The following CNIH3 variants were observed in gnomAD, a reference collection of about 807,000 sequenced individuals.
CNIH3 encodes the protein cornichon family AMPA receptor auxiliary protein 3, also known as protein cornichon homolog 3.
Under a neutral mutation model 24.1 loss-of-function variants are expected in CNIH3, and 14 were observed. That is an observed-to-expected ratio of 0.58 (90% confidence interval 0.38 to 0.91). The LOEUF is 0.91. Ranked by LOEUF, CNIH3 falls within the 40% of genes least tolerant of loss-of-function variation. The probability of loss-of-function intolerance (pLI) is 0.00; values close to 1 mark genes in which losing one functional copy is unlikely to be tolerated. For missense variants in CNIH3, 178 were observed against 196.8 expected (o/e 0.90, Z 0.57); for synonymous variants, 68 against 73.8 (o/e 0.92, Z 0.40).
chr1:224,630,469 A>C (rs1202186737), intron 1 of CNIH3, among the ~76,000 whole-genome samples: 1 of 152,146 alleles, frequency 6.6e-6, no homozygotes, highest in Non-Finnish European at 1.5e-5. Flanking sequence ...AAAAACAACC[A>C]GATTTGTAAA....
intron 2 of CNIH3, among the ~76,000 whole-genome samples, chr1:224,535,456 C>T (rs1225832282): frequency 6.6e-6 from 1 of 152,230 alleles, no homozygotes; most frequent in African/African-American, 2.4e-5. Context: ...TTTGTTACAG[C>T]ATCACTGAGA....
chr1:224,439,800 GT>G (rs942485213), intron 1 of CNIH3, among the ~76,000 whole-genome samples: 4 of 131,342 alleles, frequency 3.0e-5, no homozygotes, highest in Admixed American at 2.2e-4. Context: ...GTTTTGTTTT[GT>G]TTTTTGAGAT....
chr1:224,651,115 A>T (rs929855234), intron 1 of CNIH3, among the ~76,000 whole-genome samples: 5 of 152,188 alleles, frequency 3.3e-5, no homozygotes, highest in Non-Finnish European at 7.3e-5. Flanking sequence ...GTGAACATCG[A>T]GCCCAGTGCA....
chr1:224,543,694 T>C (rs1317810), intron 2 of CNIH3, among the ~76,000 whole-genome samples: 47,150 of 152,042 alleles, frequency 0.31, 9,870 homozygotes, highest in African/African-American at 0.6. Context: ...CTTGCCAGAC[T>C]TGCTTCCTGC....
At position 224,606,908 on chromosome 1, in the gene CNIH3, G is replaced by A. The variant is rs370952061; in HGVS notation, n.402+40644G>A. On this transcript the variant is annotated intron_variant and non_coding_transcript_variant, in intron 3 of 7. Coordinates refer to the CNIH3 transcript ENST00000478120. ...CCCAGAAGCTTTTCCCAACCTTGTG[G>A]GGAGCCCCAGTGAAGGCTGATACTG... Among the ~76,000 whole-genome samples, 6 of 152,234 alleles carry A rather than the reference G, an allele frequency of 3.9e-5. No individual in the cohort carries two copies. The East Asian group carries it at 1.2e-3, about 29-fold the overall frequency.
chr1:224,598,761 T>A (rs1425946930), intron 3 of CNIH3, among the ~76,000 whole-genome samples: 5 of 152,228 alleles, frequency 3.3e-5, no homozygotes, highest in Non-Finnish European at 7.3e-5. Context: ...CAATAAAGTA[T>A]TTTCAAATTA....
At chr1:224,511,498 A>G (rs1678150648), upstream of CNIH3, among the ~76,000 whole-genome samples, 1 of 152,234 alleles carries the variant, frequency 6.6e-6, no homozygotes, top group Non-Finnish European at 1.5e-5. Context: ...ATGATTTCAT[A>G]TTCAGATCCT....
chr1:224,739,518 G>A lies in CNIH3; in HGVS notation c.*162G>A, dbSNP rs1689768992. 2 of 1,334,058 alleles carry A rather than the reference G, an allele frequency of 1.5e-6. No individual in the cohort carries two copies. The highest frequency in any genetic ancestry group is 2.4e-5 in the Admixed American group (1 of 40,988). 82.6% of individuals were successfully genotyped at this position (1,334,058 alleles called of 1,614,324 possible). On this transcript the variant is annotated 3_prime_UTR_variant, in exon 6 of 6. Coordinates refer to ENST00000272133, the MANE Select transcript of CNIH3 (RefSeq NM_152495.2). ...GGGAGCTGGAATCACGCAGCAGCTG[G>A]GAGCCGAGTTAACCCTGCGTGTCTG...
At chr1:224,499,974 A>G (rs927583357) in intron 1 of CNIH3, among the ~76,000 whole-genome samples, 6 of 151,728 alleles carry the variant, frequency 4.0e-5, no homozygotes, top group African/African-American at 1.5e-4. Context: ...AGGCTCAACA[A>G]TTCCCCAAGG....
At chr1:224,553,210 T>C (rs546322246) in intron 3 of CNIH3, among the ~76,000 whole-genome samples, 49 of 150,146 alleles carry the variant, frequency 3.3e-4, no homozygotes, top group African/African-American at 1.2e-3. Context: ...GTATACCCCC[T>C]GTGATATTAG....
intron 1 of CNIH3, among the ~76,000 whole-genome samples, chr1:224,636,795 A>G (rs1684105598): frequency 6.6e-6 from 1 of 152,194 alleles, no homozygotes; most frequent in African/African-American, 2.4e-5. Context: ...GTACACATAT[A>G]ATATTCAGCC....
intron 3 of CNIH3, among the ~76,000 whole-genome samples, chr1:224,713,425 T>C (rs1003064133): frequency 1.3e-5 from 2 of 152,190 alleles, no homozygotes; most frequent in Admixed American, 1.3e-4. Context: ...TTTATTTCTG[T>C]AAGTCCACAT....
At chr1:224,570,560 T>A (rs188075757) in intron 4 of CNIH3, among the ~76,000 whole-genome samples, 1 of 152,238 alleles carries the variant, frequency 6.6e-6, no homozygotes, top group Non-Finnish European at 1.5e-5. Context: ...TATAGACTTA[T>A]ATGACTTCTT....
intron 1 of CNIH3, among the ~76,000 whole-genome samples, chr1:224,628,219 C>T (rs762959109): frequency 6.6e-6 from 1 of 152,128 alleles, no homozygotes; most frequent in African/African-American, 2.4e-5. Flanking sequence ...CTCACCCTAC[C>T]CTGCAGTTTC....
At chr1:224,556,849 G>A (rs1202118093) in intron 3 of CNIH3, among the ~76,000 whole-genome samples, 4 of 152,260 alleles carry the variant, frequency 2.6e-5, no homozygotes, top group South Asian at 2.1e-4. Flanking sequence ...CTAGGCAGCA[G>A]CTCCCTGGTA....
downstream of CNIH3, among the ~76,000 whole-genome samples, chr1:224,537,745 A>ACAG (rs774893462): frequency 1.2e-4 from 19 of 152,326 alleles, no homozygotes; most frequent in Middle Eastern, 3.4e-3. Context: ...ATAATGTATA[A>ACAG]CAGCAGCAGC....
At position 224,456,297 on chromosome 1, in the gene CNIH3, G is replaced by T. The variant is rs544444219; in HGVS notation, n.203+21435G>T. Among the ~76,000 whole-genome samples the T allele has an allele frequency of 5.9e-5, 9 of 152,292 alleles. No individual in the cohort carries two copies. In the South Asian group the frequency reaches 1.9e-3, roughly 32 times the overall value. ...CACAAAAAGCTCCAGTGTGTAGGGG[G>T]TCTGAATCCTGTCTGATCCCTTCCC... On this transcript the variant is annotated intron_variant and non_coding_transcript_variant, in intron 1 of 5. Coordinates refer to the CNIH3 transcript ENST00000471578.
At chr1:224,467,292 C>T (rs747304191) in intron 1 of CNIH3, among the ~76,000 whole-genome samples, 53 of 152,214 alleles carry the variant, frequency 3.5e-4, no homozygotes, top group Non-Finnish European at 7.1e-4. Context: ...ACCTCTGCCT[C>T]CCAAAGTGCT....
chr1:224,692,463 T>A (rs1686977034), intron 3 of CNIH3, among the ~76,000 whole-genome samples: 1 of 152,182 alleles, frequency 6.6e-6, no homozygotes, highest in Non-Finnish European at 1.5e-5. Context: ...TTGAGGGACA[T>A]GATACGTGAA....
Sources: allele counts gnomAD v4.1 joint callset (sites outside exome capture counted in the v4.1 genomes callset), GRCh38; gene constraint gnomAD v4.1.1; transcripts MANE v1.5; gene names NCBI Gene and HGNC (gene_info 2026-07-23, HGNC 2026-07-21).